Variants in DGKG observed in about 807,000 individuals in gnomAD.
DGKG encodes the protein DAG kinase gamma.
A neutral mutation model predicts 105.3 loss-of-function variants in DGKG; 78 were observed. The observed-to-expected ratio is 0.74, with a 90% CI of 0.62 to 0.89. The LOEUF is 0.89. Ranked by LOEUF, DGKG falls within the 40% of genes least tolerant of loss-of-function variation. The pLI is 0.00. For missense variants in DGKG, 958 were observed against 1,020.1 expected (o/e 0.94, Z 0.83); for synonymous variants, 346 against 367.1 (o/e 0.94, Z 0.66).
At chr3:186,165,646 G>A (rs1456754080) in intron 22 of DGKG, among the ~76,000 whole-genome samples, 1 of 152,206 alleles carries the variant, frequency 6.6e-6, no homozygotes, top group African/African-American at 2.4e-5. Flanking sequence ...AGAAAAGGAG[G>A]GGCAGGAAGT....
Position 186,203,327 on chromosome 3 carries a change from C to T in DGKG, c.1917+8468G>A, listed in dbSNP as rs924635006. On this transcript the variant is annotated intron_variant, in intron 21 of 24. Transcript: ENST00000265022. This position sits in a 1 kb window ranked among gnomAD's most constrained non-coding sequence, Gnocchi z 4.9. ...CTGATGATAAAGAAACAAGGGCTAA[C>T]ATTACCCTAAGATTGAAACGAGGCC... is the stretch of plus-strand genomic sequence containing the variant. Among the ~76,000 whole-genome samples, 12 of 152,194 alleles carry T rather than the reference C, an allele frequency of 7.9e-5. No homozygotes were observed. Among genetic ancestry groups the T allele is most frequent in the Admixed American group, 7.2e-4 (11 of 15,278 alleles).
chr3:186,329,695 CT>C (rs1301994348), intron 1 of DGKG, among the ~76,000 whole-genome samples: 1 of 152,244 alleles, frequency 6.6e-6, no homozygotes, highest in African/African-American at 2.4e-5. Flanking sequence ...AGTGCCCCAT[CT>C]CTGGCTTTAA....
Position 186,320,408 on chromosome 3 carries a change from G to A in DGKG, c.52C>T (p.Gln18Ter). 6.2e-7 allele frequency: 1 copy of A among 1,614,164 alleles called. No individual in the cohort carries two copies. The highest frequency in any genetic ancestry group is 8.5e-7 in the Non-Finnish European group (1 of 1,180,016). Residue 18 changes from glutamine (Q) to a stop codon, truncating the protein, a stop_gained, in exon 2 of 25, where the codon CAG becomes TAG. Coordinates refer to ENST00000265022, the MANE Select transcript of DGKG (RefSeq NM_001346.3). LOFTEE classifies it high-confidence loss of function. ...SLTPEEFDQL[Q>*]KYSEYSSKKI... is the part of the protein sequence containing the mutation. ...ATTTACTCACATTCTGAATATTTCT[G>A]GAGTTGGTCAAATTCTTCTGGAGTG...
intron 1 of DGKG, among the ~76,000 whole-genome samples, chr3:186,333,051 C>T (rs761759837): frequency 2.6e-5 from 4 of 152,162 alleles, no homozygotes; most frequent in Admixed American, 6.5e-5. Flanking sequence ...CCTCCATAAC[C>T]GTAAGAAATA....
At chr3:186,269,489 C>A (rs979854836) in intron 11 of DGKG, among the ~76,000 whole-genome samples, 1 of 152,146 alleles carries the variant, frequency 6.6e-6, no homozygotes, top group African/African-American at 2.4e-5. Flanking sequence ...CAGTCCTGGC[C>A]CTTTGGGAGT....
intron 13 of DGKG, among the ~76,000 whole-genome samples, chr3:186,265,657 CTTTTTTTT>C (rs68014632): frequency 1.6e-4 from 12 of 77,382 alleles, no homozygotes; most frequent in East Asian, 9.1e-4. Flanking sequence ...TTCTTCCTTT[CTTTTTTTT>C]TTTTTTTTTT....
At chr3:186,329,712 A>G (rs1461327788) in intron 1 of DGKG, among the ~76,000 whole-genome samples, 1 of 152,194 alleles carries the variant, frequency 6.6e-6, no homozygotes, top group Non-Finnish European at 1.5e-5. Flanking sequence ...TTTAACTCCT[A>G]CTGTTCCTTC....
At chr3:186,256,622 T>C (rs1721488581) in intron 17 of DGKG, among the ~76,000 whole-genome samples, 1 of 152,242 alleles carries the variant, frequency 6.6e-6, no homozygotes, top group African/African-American at 2.4e-5. Context: ...AAAAGCCATA[T>C]TCCATAGAAT....
rs57878064 is a variant in DGKG, at chr3:186,194,803, T to TAAAAAAAAAAAAAAAAAA, written c.1918-6442_1918-6425dup. On this transcript the variant is annotated intron_variant, in intron 21 of 24. Coordinates refer to ENST00000265022, the MANE Select transcript of DGKG (RefSeq NM_001346.3). ...CCACGACTCTTTCTTGGTCTTTCTT[T>TAAAAAAAAAAAAAAAAAA]AAAAAAAAAAAAAAAAAAAGCCGGG... is the stretch of plus-strand genomic sequence containing the variant. 6.5e-4 allele frequency among the ~76,000 whole-genome samples: 68 copies of TAAAAAAAAAAAAAAAAAA among 105,388 alleles called. 1 individual carries two copies. Among genetic ancestry groups the TAAAAAAAAAAAAAAAAAA allele is most frequent in the African/African-American group, 2.3e-3 (64 of 27,914 alleles). The allele number at this position is 105,388 out of a possible 152,430, so 69.1% of individuals were successfully genotyped here.
At chr3:186,277,159 G>A (rs538644840) in intron 9 of DGKG, among the ~76,000 whole-genome samples, 20 of 152,104 alleles carry the variant, frequency 1.3e-4, no homozygotes, top group South Asian at 6.2e-4. Context: ...TCATTTATTC[G>A]TTTGACCAAC....
intron 20 of DGKG, among the ~76,000 whole-genome samples, chr3:186,238,551 T>G (rs2108548048): frequency 6.6e-6 from 1 of 152,256 alleles, no homozygotes; most frequent in South Asian, 2.1e-4. Context: ...TGCCCTTTAT[T>G]CCAGATCACT....
chr3:186,254,904 G>A (rs552899697), intron 17 of DGKG, among the ~76,000 whole-genome samples: 1 of 152,316 alleles, frequency 6.6e-6, no homozygotes, highest in African/African-American at 2.4e-5. Flanking sequence ...CAGGAAGCAG[G>A]CTCTGCCTTT....
chr3:186,165,141 T>G (rs185797283), intron 22 of DGKG, 123 bp from the exon 23 acceptor site: 1 of 985,582 alleles, frequency 1.0e-6, no homozygotes, highest in East Asian at 2.6e-5. Flanking sequence ...ACCAAACACC[T>G]TTTTCATATT....
At chr3:186,332,257 T>C (rs949468097) in intron 1 of DGKG, among the ~76,000 whole-genome samples, 7 of 152,202 alleles carry the variant, frequency 4.6e-5, no homozygotes, top group East Asian at 1.9e-4. Context: ...ATGCAAAATA[T>C]CCAGGAAATT....
chr3:186,173,995 G>A (rs1183101983), intron 22 of DGKG, among the ~76,000 whole-genome samples: 1 of 152,222 alleles, frequency 6.6e-6, no homozygotes, highest in African/African-American at 2.4e-5. Flanking sequence ...CATGAGGAGA[G>A]AGGCAGAGGG....
chr3:186,250,619 G>A lies in DGKG; in HGVS notation c.1761+1140C>T, dbSNP rs1213387700. 4.0e-5 allele frequency among the ~76,000 whole-genome samples: 5 copies of A among 123,806 alleles called. No homozygotes were observed. In the East Asian group the frequency reaches 1.1e-3, roughly 27 times the overall value. 81.2% of individuals were successfully genotyped at this position (123,806 alleles called of 152,430 possible). A position where few individuals can be genotyped will look rare whatever the true frequency, so the allele number is the denominator to read the frequency against. On this transcript the variant is annotated intron_variant, in intron 19 of 24. Coordinates refer to ENST00000265022, the MANE Select transcript of DGKG (RefSeq NM_001346.3). ...GGTTGGAGTGCAATGGCGTGATCTC[G>A]GCTCATTGCAACCTCTTCCTCCCAG...
intron 20 of DGKG, among the ~76,000 whole-genome samples, chr3:186,223,011 C>CTA (rs55753193): frequency 0.15 from 12,466 of 80,444 alleles, 2,741 homozygotes; most frequent in Non-Finnish European, 0.23. Context: ...TGTATGTATA[C>CTA]TATATATATA....
intron 22 of DGKG, among the ~76,000 whole-genome samples, chr3:186,184,480 A>T (rs1378856884): frequency 1.3e-5 from 2 of 148,832 alleles, no homozygotes; most frequent in Non-Finnish European, 3.0e-5. Context: ...GCTCACTGCA[A>T]CCTCCGCCCC....
chr3:186,257,561 C>T (rs1489830861), intron 17 of DGKG, among the ~76,000 whole-genome samples: 1 of 152,196 alleles, frequency 6.6e-6, no homozygotes. Flanking sequence ...CTCCCACCCC[C>T]CAAATCTGGC....
Sources: allele counts gnomAD v4.1 joint callset (sites outside exome capture counted in the v4.1 genomes callset), GRCh38; gene constraint gnomAD v4.1.1; non-coding constraint Gnocchi (gnomAD v3.1); transcripts MANE v1.5; gene names NCBI Gene and HGNC (gene_info 2026-07-23, HGNC 2026-07-21).